The following PLCE1 variants were observed in gnomAD, a reference collection of about 807,000 sequenced individuals.
PLCE1 encodes phospholipase C epsilon 1.
A neutral mutation model predicts 242.8 loss-of-function variants in PLCE1; 119 were observed. The observed-to-expected ratio is 0.49, with a 90% CI of 0.42 to 0.57. The LOEUF (loss-of-function observed/expected upper bound fraction) is 0.57, where lower values mean the gene tolerates loss of function less well. Ranked by LOEUF, PLCE1 falls within the 20% of genes least tolerant of loss-of-function variation. The pLI is 0.00. For missense variants in PLCE1, 2,441 were observed against 2,788.8 expected (o/e 0.88, Z 2.81); for synonymous variants, 945 against 1,017.4 (o/e 0.93, Z 1.35).
chr10:93,996,233 G>A (rs781491275), intron 1 of PLCE1, among the ~76,000 whole-genome samples: 2 of 152,252 alleles, frequency 1.3e-5, no homozygotes, highest in Non-Finnish European at 2.9e-5. Context: ...TACTTCTGCG[G>A]TGGAAGAACA....
In PLCE1 at chr10:94,298,499, A is replaced by T. The variant is rs1228062735; in HGVS notation, c.5288A>T (p.Asn1763Ile). 6.2e-7 allele frequency: 1 copy of T among 1,613,946 alleles called. No individual in the cohort carries two copies. Among genetic ancestry groups the T allele is most frequent in the Non-Finnish European group, 8.5e-7 (1 of 1,180,000 alleles). ...TATCATATCTCGTCGCTGAATGAAA[A>T]TGCCGCCAAACGTCTGTGTCGCAGG... ...KCYHISSLNE[N>I]AAKRLCRRYS... Residue 1763 changes from asparagine to isoleucine, a missense_variant, in exon 24 of 33, where the codon AAT becomes ATT. Physicochemically the swap from Asn to Ile is moderately radical, Grantham distance 149 (BLOSUM62 -3). This residue lies in a region of PLCE1 where 1,004 missense variants were observed against 1,322.7 expected (regional missense o/e 0.76). Coordinates refer to ENST00000371380, the MANE Select transcript of PLCE1 (RefSeq NM_016341.4). This position sits in a 1 kb window ranked among gnomAD's most constrained non-coding sequence, Gnocchi z 5.2.
At chr10:94,153,006 A>T (rs2047319949) in intron 3 of PLCE1, among the ~76,000 whole-genome samples, 2 of 152,212 alleles carry the variant, frequency 1.3e-5, no homozygotes, top group Non-Finnish European at 2.9e-5. Flanking sequence ...TGCATGTTCA[A>T]CATTACTTTC....
intron 3 of PLCE1, among the ~76,000 whole-genome samples, chr10:94,152,660 G>A (rs988011573): frequency 2.6e-5 from 4 of 152,144 alleles, no homozygotes; most frequent in African/African-American, 4.8e-5. Context: ...CGTCAGCCAC[G>A]GAGTTGCTGA....
intron 2 of PLCE1, among the ~76,000 whole-genome samples, chr10:94,071,484 GTTTGGTTTTCGTTTTTT>G (rs2044350479): frequency 9.6e-6 from 1 of 104,290 alleles, no homozygotes; most frequent in Non-Finnish European, 1.8e-5. Flanking sequence ...GTGTGTGTGT[GTTTGGTTTTCGTTTTTT>G]TTTTTTTTTT....
Position 94,266,030 on chromosome 10 carries a change from A to G in PLCE1, c.4281+72A>G. ...TTTATGTAACCCCCAAAGTCAAAAA[A>G]ACCTGACCCCAGACTCCTTTGAAGA... On this transcript the variant is annotated intron_variant, in intron 16 of 32. Transcript: ENST00000371380. The G allele has an allele frequency of 2.1e-6, 3 of 1,442,482 alleles. No individual in the cohort carries two copies. In the South Asian group the frequency reaches 3.5e-5, roughly 17 times the overall value. 89.4% of individuals were successfully genotyped at this position (1,442,482 alleles called of 1,614,324 possible). A position where few individuals can be genotyped will look rare whatever the true frequency, so the allele number is the denominator to read the frequency against.
In PLCE1 at chr10:94,235,627, G is replaced by A. The variant is rs2050295784; in HGVS notation, c.2215-288G>A. On this transcript the variant is annotated intron_variant, in intron 6 of 32. Coordinates refer to ENST00000371380, the MANE Select transcript of PLCE1 (RefSeq NM_016341.4). ...TAACCATGCTCTTCCTCTGCAAATTGGCTAATCTTCTCCTTAGGGAGCCCT... is the reference window on the plus strand; with the variant it reads ...TAACCATGCTCTTCCTCTGCAAATTAGCTAATCTTCTCCTTAGGGAGCCCT... The A allele has an allele frequency of 5.7e-6, 3 of 524,122 alleles. No individual in the cohort carries two copies. In the African/African-American group the frequency reaches 6.2e-5, roughly 11 times the overall value. 32.5% of individuals were successfully genotyped at this position (524,122 alleles called of 1,614,324 possible).
At chr10:94,313,086 A>C (rs2053439000) in intron 27 of PLCE1, among the ~76,000 whole-genome samples, 168 bp from the exon 28 acceptor site, 1 of 152,118 alleles carries the variant, frequency 6.6e-6, no homozygotes. Context: ...CCCTCACTAA[A>C]TGACTGAGGA....
Position 94,313,278 on chromosome 10 carries a change from T to A in PLCE1, c.6028T>A (p.Cys2010Ser), listed in dbSNP as rs1169941611. 1 of 1,614,014 alleles carries A rather than the reference T, an allele frequency of 6.2e-7. No homozygotes were observed. The highest frequency in any genetic ancestry group is 1.7e-5 in the Admixed American group (1 of 60,002). Reference sequence around the variant, plus strand: ...GATGTTTAATACAGAAGAAAGAAAATGTTTGCAGACTCACAGAGTCACGGT... The same window carrying A: ...GATGTTTAATACAGAAGAAAGAAAAAGTTTGCAGACTCACAGAGTCACGGT... ...SSMFNTEERK[C>S]LQTHRVTVHG... is the part of the protein sequence containing the mutation. The change falls in exon 28 of 33, where the codon TGT becomes AGT. Residue 2010 changes from cysteine (C) to serine (S), a missense_variant. By Grantham distance (112) the Cys-to-Ser change is moderately radical (BLOSUM62 -1). Around this residue, in one of 5 missense-constraint regions of PLCE1, gnomAD observed 1,004 missense variants for 1,322.7 expected, o/e 0.76. Transcript: ENST00000371380.
In PLCE1 at chr10:94,313,272, A is replaced by G. The variant is rs1461617727; in HGVS notation, c.6022A>G (p.Arg2008Gly). The change falls in exon 28 of 33, where the codon AGA becomes GGA. Residue 2008 changes from arginine to glycine, a missense_variant. Physicochemically the swap from Arg to Gly is moderately radical, Grantham distance 125. Around this residue, in one of 5 missense-constraint regions of PLCE1, gnomAD observed 1,004 missense variants for 1,322.7 expected, o/e 0.76. Transcript: ENST00000371380. ...TTGACAGATGTTTAATACAGAAGAA[A>G]GAAAATGTTTGCAGACTCACAGAGT... ...SASSMFNTEE[R>G]KCLQTHRVTV... 1 of 1,614,070 alleles carries G rather than the reference A, an allele frequency of 6.2e-7. No individual in the cohort carries two copies. Among genetic ancestry groups the G allele is most frequent in the African/African-American group, 1.3e-5 (1 of 74,940 alleles).
chr10:94,299,337 C>T (rs951474708), intron 24 of PLCE1, among the ~76,000 whole-genome samples: 1 of 152,198 alleles, frequency 6.6e-6, no homozygotes, highest in African/African-American at 2.4e-5. Context: ...ATATTCACAA[C>T]AGCCCTAAAG....
intron 3 of PLCE1, among the ~76,000 whole-genome samples, chr10:94,162,846 G>A (rs1466219612): frequency 6.6e-6 from 1 of 152,120 alleles, no homozygotes; most frequent in Admixed American, 6.6e-5. Flanking sequence ...AGAGATTCTG[G>A]TATGTTGTGT....
intron 19 of PLCE1, among the ~76,000 whole-genome samples, chr10:94,278,133 A>G (rs1271778860): frequency 6.6e-6 from 1 of 152,228 alleles, no homozygotes; most frequent in African/African-American, 2.4e-5. Context: ...CATATTCATT[A>G]TAAAGGTAAT....
chr10:94,015,157 G>T (rs2061254307), intron 1 of PLCE1, among the ~76,000 whole-genome samples: 1 of 152,094 alleles, frequency 6.6e-6, no homozygotes, highest in Non-Finnish European at 1.5e-5. Flanking sequence ...TTATACACAC[G>T]AGGTGCTCAG....
chr10:94,246,369 C>G lies in PLCE1; in HGVS notation c.2844C>G (p.His948Gln). The part of the protein sequence containing the change: ...LFAVKAVYMG[H>Q]PGIDIHTVCV... ...CAGTGAAGGCTGTATACATGGGCCA[C>G]CCTGGCATTGATATACACACTGTGT... The change falls in exon 8 of 33, where the codon CAC becomes CAG. Residue 948 changes from histidine (H) to glutamine (Q), a missense_variant. By Grantham distance (24) the His-to-Gln change is conservative. Around this residue, in one of 5 missense-constraint regions of PLCE1, gnomAD observed 733 missense variants for 754.2 expected, o/e 0.97. Coordinates refer to ENST00000371380, the MANE Select transcript of PLCE1 (RefSeq NM_016341.4). 1 of 1,614,154 alleles carries G rather than the reference C, an allele frequency of 6.2e-7. No individual in the cohort carries two copies. The highest frequency in any genetic ancestry group is 8.5e-7 in the Non-Finnish European group (1 of 1,180,010).
chr10:94,306,757 C>T lies in PLCE1; in HGVS notation c.5884+69C>T. 1.7e-6 allele frequency: 2 copies of T among 1,163,678 alleles called. No individual in the cohort carries two copies. Among genetic ancestry groups the T allele is most frequent in the Non-Finnish European group, 2.5e-6 (2 of 797,338 alleles). The allele number at this position is 1,163,678 out of a possible 1,614,324, so 72.1% of individuals were successfully genotyped here. On this transcript the variant is annotated intron_variant, in intron 26 of 32. Coordinates refer to ENST00000371380, the MANE Select transcript of PLCE1 (RefSeq NM_016341.4). The surrounding 1 kb of genome is among the most constrained non-coding windows in gnomAD (Gnocchi z 5.7). ...TGATGGATGCCAGAATTTCCTTATA[C>T]TCTTCTCTCTTTTCTGTTTGACATT...
At chr10:94,235,692 T>A (rs2050298335) in intron 6 of PLCE1, 5 of 979,722 alleles carry the variant, frequency 5.1e-6, no homozygotes, top group Non-Finnish European at 6.1e-6. Flanking sequence ...AAGTGGAGTG[T>A]CGATTCCCAG....
Position 94,306,718 on chromosome 10 carries a change from T to C in PLCE1, c.5884+30T>C. ...AATAAAATTGTCCAAATGTTAATAA[T>C]TGTTGTAGCTAGGTGATGGATGCCA... On this transcript the variant is annotated intron_variant, in intron 26 of 32. Coordinates refer to ENST00000371380, the MANE Select transcript of PLCE1 (RefSeq NM_016341.4). This position sits in a 1 kb window ranked among gnomAD's most constrained non-coding sequence, Gnocchi z 5.7. The C allele has an allele frequency of 6.5e-7, 1 of 1,548,788 alleles. No homozygotes were observed. The highest frequency in any genetic ancestry group is 8.9e-7 in the Non-Finnish European group (1 of 1,127,344).
At position 94,041,217 on chromosome 10, in the gene PLCE1, G is replaced by A. The variant is rs146543947; in HGVS notation, c.1206+8965G>A. ...AGTCAGTGCTCAATATGTATTTCTC[G>A]AATGACTCTTTGAATTATAAATGAA... is the stretch of plus-strand genomic sequence containing the variant. On this transcript the variant is annotated intron_variant, in intron 2 of 32. Transcript: ENST00000371380. 1.4e-3 allele frequency among the ~76,000 whole-genome samples: 216 copies of A among 151,946 alleles called. 3 individuals carry two copies. The East Asian group carries it at 0.024, about 17-fold the overall frequency.
intron 4 of PLCE1, among the ~76,000 whole-genome samples, chr10:94,220,417 T>TATATATATATGA (rs2049700126): frequency 7.9e-6 from 1 of 127,060 alleles, no homozygotes; most frequent in Non-Finnish European, 1.7e-5. Flanking sequence ...TATATATATA[T>TATATATATATGA]ATGATTGGGC....
Sources: allele counts gnomAD v4.1 joint callset (sites outside exome capture counted in the v4.1 genomes callset), GRCh38; gene constraint gnomAD v4.1.1; regional missense constraint gnomAD v4.1.1; non-coding constraint Gnocchi (gnomAD v3.1); transcripts MANE v1.5; gene names NCBI Gene and HGNC (gene_info 2026-07-23, HGNC 2026-07-21).